CLTRN: variants seen among roughly 807,000 people sequenced by gnomAD.
CLTRN encodes the protein collectrin.
In CLTRN, 12 loss-of-function variants were observed where a neutral mutation model predicts 14.5. The ratio of observed to expected loss-of-function variants is 0.83; its 90% CI spans 0.53 to 1.34. The LOEUF (loss-of-function observed/expected upper bound fraction) is 1.34, where lower values mean the gene tolerates loss of function less well. Ranked by LOEUF, CLTRN falls within the 40% of genes most tolerant of loss-of-function variation. The pLI is 0.00. For missense variants in CLTRN, 154 were observed against 165.1 expected, an observed-to-expected ratio of 0.93 and a Z score of 0.37; for synonymous variants, 58 against 56.5, an observed-to-expected ratio of 1.03 and a Z score of -0.12.
At chrX:15,671,992 T>G (rs1345446822) in intron 1 of CLTRN, among the ~76,000 whole-genome samples, 3 of 111,711 alleles carry the variant, frequency 2.7e-5, no homozygotes, top group African/African-American at 6.5e-5. Flanking sequence ...CAAGGATATT[T>G]GAAAAGCTCA....
At chrX:15,641,755 T>C (rs1462806763) in intron 4 of CLTRN, among the ~76,000 whole-genome samples, 1 of 110,166 alleles carries the variant, frequency 9.1e-6, no homozygotes, top group African/African-American at 3.3e-5. Flanking sequence ...TTGGCTTATG[T>C]TTTACACTGT....
In CLTRN at chrX:15,640,263, A is replaced by G. The variant is rs1458514817; in HGVS notation, c.318-507T>C. Among the ~76,000 whole-genome samples, 4 of 112,182 alleles carry G rather than the reference A, an allele frequency of 3.6e-5. No individual in the cohort carries two copies. The Admixed American group carries it at 3.8e-4, about 11-fold the overall frequency. The stretch of plus-strand genomic sequence containing the variant: ...GCAATGATGTGATGACCCCAAAGTT[A>G]TTACCCTTCCCTAGAAATTTCTGCA... On this transcript the variant is annotated intron_variant, in intron 4 of 5. Coordinates refer to ENST00000380342, the MANE Select transcript of CLTRN (RefSeq NM_020665.6).
upstream of CLTRN, among the ~76,000 whole-genome samples, chrX:15,665,634 T>C (rs1398941800): frequency 8.9e-6 from 1 of 112,465 alleles, no homozygotes; most frequent in Non-Finnish European, 1.9e-5. Flanking sequence ...AGGAGGCCAT[T>C]GAGCACTGGA....
At chrX:15,663,020 T>C (rs955429984) in intron 2 of CLTRN, among the ~76,000 whole-genome samples, 3 of 111,773 alleles carry the variant, frequency 2.7e-5, no homozygotes, top group Middle Eastern at 4.6e-3. Flanking sequence ...GCACATGCTG[T>C]TCCCTCTGCC....
intron 5 of CLTRN, among the ~76,000 whole-genome samples, chrX:15,628,913 C>A (rs1445188479): frequency 1.8e-5 from 2 of 111,988 alleles, no homozygotes; most frequent in African/African-American, 6.5e-5. Context: ...TGTAATATTT[C>A]TTTGGAGTGT....
At chrX:15,656,094 C>T (rs1929353787) in intron 3 of CLTRN, among the ~76,000 whole-genome samples, 1 of 112,057 alleles carries the variant, frequency 8.9e-6, no homozygotes, top group Non-Finnish European at 1.9e-5. Context: ...ACACCCTCAG[C>T]CTCTCTGATC....
chrX:15,648,158 T>G (rs1242235852), intron 3 of CLTRN, among the ~76,000 whole-genome samples: 1 of 107,605 alleles, frequency 9.3e-6, no homozygotes, highest in African/African-American at 3.4e-5. Flanking sequence ...GTGAGGATGT[T>G]CTTTGCGGCA....
At chrX:15,646,974 C>G (rs1204653807) in intron 3 of CLTRN, 3 of 254,142 alleles carry the variant, frequency 1.2e-5, no homozygotes, top group South Asian at 3.7e-5. Flanking sequence ...AGCGTTGTCT[C>G]AATCCTTCCT....
At chrX:15,647,072 C>T (rs993199070) in intron 3 of CLTRN, among the ~76,000 whole-genome samples, 1 of 112,727 alleles carries the variant, frequency 8.9e-6, no homozygotes, top group African/African-American at 3.2e-5. Flanking sequence ...ACTGCCCTGA[C>T]GCCTCAGGCT....
At chrX:15,649,721 A>C (rs1929171788) in intron 3 of CLTRN, among the ~76,000 whole-genome samples, 2 of 110,855 alleles carry the variant, frequency 1.8e-5, no homozygotes, top group African/African-American at 6.6e-5. Flanking sequence ...TAACCCCCAT[A>C]CAGATCCCAT....
At chrX:15,656,593 C>T (rs1046976354) in intron 3 of CLTRN, among the ~76,000 whole-genome samples, 1 of 110,790 alleles carries the variant, frequency 9.0e-6, no homozygotes, top group South Asian at 3.8e-4. Context: ...TTCTGGAAGG[C>T]GGCTACTGGT....
At chrX:15,668,270 G>A (rs981997303), upstream of CLTRN, among the ~76,000 whole-genome samples, 7 of 111,782 alleles carry the variant, frequency 6.3e-5, no homozygotes, top group Admixed American at 2.8e-4. Flanking sequence ...ATACAATGAT[G>A]GGAATAAGAC....
At chrX:15,666,302 G>A (rs147912150), upstream of CLTRN, among the ~76,000 whole-genome samples, 622 of 111,592 alleles carry the variant, frequency 5.6e-3, 8 homozygotes, top group African/African-American at 0.02. Flanking sequence ...AAGATAATGC[G>A]TGTAAAAGAA....
In CLTRN at chrX:15,664,359, C is replaced by T; in HGVS notation, c.95G>A (p.Arg32Lys). ...TACTGCTTTATCTCCCAGAGCTGTT[C>T]TGATACTAAGTCTCACTTTAAAAGC... ...ENAFKVRLSI[R>K]TALGDKAYAW... The change falls in exon 2 of 6, where the codon AGA becomes AAA. Residue 32 changes from arginine (R) to lysine (K), a missense_variant. Physicochemically the swap from Arg to Lys is conservative, Grantham distance 26. Coordinates refer to ENST00000380342, the MANE Select transcript of CLTRN (RefSeq NM_020665.6). 1.7e-6 allele frequency: 2 copies of T among 1,192,713 alleles called. No individual in the cohort carries two copies. The highest frequency in any genetic ancestry group is 2.3e-6 in the Non-Finnish European group (2 of 884,425).
intron 1 of CLTRN, among the ~76,000 whole-genome samples, chrX:15,674,129 A>T (rs183965518): frequency 1.2e-4 from 14 of 112,653 alleles, no homozygotes; most frequent in Admixed American, 1.1e-3. Flanking sequence ...TGAATGAATG[A>T]ATGAATGAAT....
At chrX:15,649,022 G>T (rs1445712392) in intron 3 of CLTRN, among the ~76,000 whole-genome samples, 2 of 111,603 alleles carry the variant, frequency 1.8e-5, no homozygotes, top group Non-Finnish European at 3.8e-5. Flanking sequence ...GTTCAAACAT[G>T]AATTTCATGG....
chrX:15,665,018 C>T (rs891192772), upstream of CLTRN: 35 of 366,239 alleles, frequency 9.6e-5, no homozygotes, highest in Non-Finnish European at 1.5e-4. Flanking sequence ...CCTACTCTGA[C>T]TCTACCTCAA....
At chrX:15,646,458 A>AACCCCCCCCCCCCCCCCCCCCCCCC in intron 3 of CLTRN, 1 of 228,793 alleles carries the variant, frequency 4.4e-6, no homozygotes, top group Non-Finnish European at 8.0e-6. Flanking sequence ...AAAACCGCGC[A>AACCCCCCCCCCCCCCCCCCCCCCCC]CCCACCCCCC....
upstream of CLTRN, among the ~76,000 whole-genome samples, chrX:15,665,190 TATC>T (rs926426604): frequency 1.8e-5 from 2 of 111,402 alleles, no homozygotes; most frequent in African/African-American, 6.5e-5. Context: ...TTAGATAGGC[TATC>T]TTCATTCAGG....
Sources: gnomAD v4.1 joint callset for allele counts (sites outside exome capture counted in the v4.1 genomes callset) on GRCh38, gnomAD v4.1.1 for gene constraint, MANE v1.5 for transcripts, NCBI Gene and HGNC (gene_info 2026-07-23, HGNC 2026-07-21) for gene names.